LYPLAL1: variants seen among roughly 807,000 people sequenced by gnomAD.
LYPLAL1 encodes lysophospholipase like 1, also known as lysophospholipase-like protein 1.
LYPLAL1 carries 23 observed loss-of-function variants against 19.7 expected under a neutral mutation model. That is an observed-to-expected ratio of 1.17 (90% CI 0.84 to 1.65). LYPLAL1 has a LOEUF of 1.65. Ranked by LOEUF, LYPLAL1 falls within the 40% of genes most tolerant of loss-of-function variation. LYPLAL1 has a pLI of 0.00. For synonymous variants in LYPLAL1, 119 were observed against 96.3 expected, an observed-to-expected ratio of 1.24 and a Z score of -1.38; for missense variants, 355 against 279.4, an observed-to-expected ratio of 1.27 and a Z score of -1.93.
At chr1:219,362,131 C>G in the LYPLAL1 span, among the ~76,000 whole-genome samples, 2 of 152,042 alleles carry the variant, frequency 1.3e-5, no homozygotes, top group Non-Finnish European at 2.9e-5. Context: ...TTCTGACACC[C>G]AAAGATGTGA....
chr1:219,196,505 G>A (rs1027463662), intron 3 of LYPLAL1, among the ~76,000 whole-genome samples: 1 of 151,726 alleles, frequency 6.6e-6, no homozygotes, highest in South Asian at 2.1e-4. Flanking sequence ...AGAAATGTCT[G>A]AAGAGTCATT....
the LYPLAL1 span, among the ~76,000 whole-genome samples, chr1:219,275,422 C>A: frequency 6.6e-6 from 1 of 152,126 alleles, no homozygotes; most frequent in Non-Finnish European, 1.5e-5. Flanking sequence ...ACTAAATGCA[C>A]AAACAAGGGA....
At chr1:219,191,700 T>A (rs1242890446) in intron 2 of LYPLAL1, among the ~76,000 whole-genome samples, 1 of 151,336 alleles carries the variant, frequency 6.6e-6, no homozygotes, top group Non-Finnish European at 1.5e-5. Context: ...AAAAAATGAA[T>A]AAGATTGACA....
At chr1:219,355,985 C>T in the LYPLAL1 span, among the ~76,000 whole-genome samples, 3 of 152,044 alleles carry the variant, frequency 2.0e-5, no homozygotes, top group African/African-American at 7.2e-5. Context: ...TCATCTCAAG[C>T]CTTCTTTATA....
the LYPLAL1 span, among the ~76,000 whole-genome samples, chr1:219,414,496 G>A: frequency 1.3e-5 from 2 of 152,150 alleles, no homozygotes; most frequent in Non-Finnish European, 2.9e-5. Context: ...CCTTAGTTTA[G>A]TCAACTGTAA....
the LYPLAL1 span, among the ~76,000 whole-genome samples, chr1:219,346,703 G>A: frequency 6.6e-6 from 1 of 152,130 alleles, no homozygotes. Context: ...TAATGTGTAT[G>A]TGATCATATT....
At chr1:219,174,074 G>A (rs747317729) in intron 1 of LYPLAL1, 93 bp downstream of exon 1, 20 of 1,558,650 alleles carry the variant, frequency 1.3e-5, no homozygotes, top group Non-Finnish European at 1.7e-5. Flanking sequence ...GTGTCGCCGG[G>A]CCCAAATAGG....
At chr1:219,362,928 G>T in the LYPLAL1 span, among the ~76,000 whole-genome samples, 1 of 151,926 alleles carries the variant, frequency 6.6e-6, no homozygotes, top group Admixed American at 6.6e-5. Flanking sequence ...AGGTCAGGCA[G>T]GAAGGGGATA....
At chr1:219,290,851 C>T in the LYPLAL1 span, among the ~76,000 whole-genome samples, 1 of 152,182 alleles carries the variant, frequency 6.6e-6, no homozygotes, top group Admixed American at 6.5e-5. Context: ...ATGCACATTA[C>T]ACATGGCAGG....
intron 3 of LYPLAL1, chr1:219,210,293 A>T: frequency 4.0e-6 from 1 of 250,628 alleles, no homozygotes; most frequent in Non-Finnish European, 7.5e-6. Flanking sequence ...AACATGATAT[A>T]TTTGTTTAAT....
At chr1:219,174,912 T>A (rs1214609162) in intron 1 of LYPLAL1, 2 of 985,370 alleles carry the variant, frequency 2.0e-6, no homozygotes, top group Non-Finnish European at 2.4e-6. Flanking sequence ...CATGGTTTCC[T>A]GCCAAGTGAA....
the LYPLAL1 span, among the ~76,000 whole-genome samples, chr1:219,336,088 A>G: frequency 6.6e-6 from 1 of 151,290 alleles, no homozygotes; most frequent in Non-Finnish European, 1.5e-5. Context: ...GCTCACAAAC[A>G]GTGTTGACAA....
intron 3 of LYPLAL1, among the ~76,000 whole-genome samples, chr1:219,202,599 A>G (rs904571972): frequency 6.6e-6 from 1 of 152,262 alleles, no homozygotes; most frequent in Non-Finnish European, 1.5e-5. Flanking sequence ...GGAGGGATTC[A>G]GTGGGAAATA....
the LYPLAL1 span, among the ~76,000 whole-genome samples, chr1:219,257,353 G>GTTT: frequency 8.1e-4 from 107 of 132,572 alleles, 7 homozygotes; most frequent in South Asian, 1.4e-3. Flanking sequence ...ATCCATACCA[G>GTTT]TTTTTGTTTT....
At chr1:219,278,341 G>C in the LYPLAL1 span, among the ~76,000 whole-genome samples, 1 of 152,138 alleles carries the variant, frequency 6.6e-6, no homozygotes, top group Admixed American at 6.6e-5. Context: ...AAGAGAAAGG[G>C]AGAGAGAGAA....
At chr1:219,432,258 G>T in the LYPLAL1 span, among the ~76,000 whole-genome samples, 2 of 152,156 alleles carry the variant, frequency 1.3e-5, no homozygotes, top group African/African-American at 4.8e-5. Flanking sequence ...TTTCTTTGAT[G>T]TCCCTAGCCA....
the LYPLAL1 span, among the ~76,000 whole-genome samples, chr1:219,443,706 A>G: frequency 6.6e-6 from 1 of 152,364 alleles, no homozygotes; most frequent in Non-Finnish European, 1.5e-5. Flanking sequence ...TTCTAAAGAA[A>G]GACCCAAACA....
chr1:219,406,794 C>T, the LYPLAL1 span, among the ~76,000 whole-genome samples: 1 of 151,874 alleles, frequency 6.6e-6, no homozygotes, highest in African/African-American at 2.4e-5. Flanking sequence ...AAAAAAAAAC[C>T]CTGCATTTAC....
chr1:219,174,857 C>T, intron 1 of LYPLAL1: 7 of 972,118 alleles, frequency 7.2e-6, no homozygotes, highest in Non-Finnish European at 8.6e-6. Flanking sequence ...CAAAAACAAT[C>T]CAATTAGTTT....
Sources: allele counts gnomAD v4.1 joint callset (sites outside exome capture counted in the v4.1 genomes callset), GRCh38; gene constraint gnomAD v4.1.1; transcripts MANE v1.5; gene names NCBI Gene and HGNC (gene_info 2026-07-23, HGNC 2026-07-21).